Variants in NRXN3 observed in about 807,000 individuals in gnomAD.
NRXN3 encodes the protein neurexin III.
A neutral mutation model predicts 137.6 loss-of-function variants in NRXN3; 32 were observed. The observed-to-expected ratio is 0.23, with a 90% CI of 0.18 to 0.31. The LOEUF is 0.31. NRXN3 is among the 10% of genes least tolerant of loss of function. The pLI is 1.00. For synonymous variants in NRXN3, 798 were observed against 784.5 expected (o/e 1.02, Z -0.29); for missense variants, 1,574 against 2,062.5 (o/e 0.76, Z 4.59).
In NRXN3 at chr14:78,883,309, C is replaced by T. The variant is rs1306229945; in HGVS notation, c.2275+72965C>T. The stretch of plus-strand genomic sequence containing the variant: ...GCTCAACAGCCCAAATTCTTTTCAC[C>T]TTCTGTAAAGAAGAGTGACTGGAAG... On this transcript the variant is annotated intron_variant, in intron 10 of 20. Transcript: ENST00000335750. 2.6e-5 allele frequency among the ~76,000 whole-genome samples: 4 copies of T among 152,184 alleles called. No individual in the cohort carries two copies. The East Asian group carries it at 7.7e-4, about 29-fold the overall frequency.
intron 15 of NRXN3, among the ~76,000 whole-genome samples, chr14:79,461,495 G>A (rs1338731491): frequency 6.6e-6 from 1 of 152,110 alleles, no homozygotes; most frequent in Admixed American, 6.6e-5. Flanking sequence ...AGAGAGATGA[G>A]CGGCAGAGGA....
In NRXN3 at chr14:79,107,327, A is replaced by G. The variant is rs902272094; in HGVS notation, c.3262+119186A>G. Among the ~76,000 whole-genome samples, 62 of 152,110 alleles carry G rather than the reference A, an allele frequency of 4.1e-4. 1 individual carries two copies. The highest frequency in any genetic ancestry group is 5.0e-4 in the Non-Finnish European group (34 of 68,020). On this transcript the variant is annotated intron_variant, in intron 15 of 20. Coordinates refer to ENST00000335750, the MANE Select transcript of NRXN3 (RefSeq NM_001330195.2). Reference sequence around the variant, plus strand: ...AGACATGAAGGCTGAGAAGTGGCTGATCATGTGATGAGTATGTGAACTTTG... The same window carrying G: ...AGACATGAAGGCTGAGAAGTGGCTGGTCATGTGATGAGTATGTGAACTTTG...
chr14:78,265,934 G>C (rs1034517248), intron 2 of NRXN3, among the ~76,000 whole-genome samples: 1 of 152,182 alleles, frequency 6.6e-6, no homozygotes, highest in Non-Finnish European at 1.5e-5. Context: ...ACCTGTGTCT[G>C]TCTTGTTCAT....
chr14:78,550,505 T>G, intron 4 of NRXN3, among the ~76,000 whole-genome samples: 1 of 148,292 alleles, frequency 6.7e-6, no homozygotes, highest in African/African-American at 2.5e-5. Flanking sequence ...TTTATGATAA[T>G]TGTGTTTTAA....
At chr14:79,335,453 C>T (rs2092173754) in intron 15 of NRXN3, among the ~76,000 whole-genome samples, 2 of 151,688 alleles carry the variant, frequency 1.3e-5, no homozygotes, top group South Asian at 4.2e-4. Flanking sequence ...ATTTTTTCTC[C>T]CTATTATATT....
At chr14:78,219,680 A>G (rs1027455499) in intron 1 of NRXN3, among the ~76,000 whole-genome samples, 46 of 152,188 alleles carry the variant, frequency 3.0e-4, no homozygotes, top group African/African-American at 1.1e-3. Flanking sequence ...CAAAAATGTT[A>G]TTTGTTCCTA....
intron 4 of NRXN3, among the ~76,000 whole-genome samples, chr14:78,599,791 G>T (rs1217704131): frequency 6.6e-6 from 1 of 152,162 alleles, no homozygotes; most frequent in African/African-American, 2.4e-5. Flanking sequence ...TAAAGTATTT[G>T]CTGGGACAGG....
At chr14:78,321,011 G>T (rs958353235) in intron 4 of NRXN3, among the ~76,000 whole-genome samples, 1 of 150,814 alleles carries the variant, frequency 6.6e-6, no homozygotes, top group South Asian at 2.1e-4. Flanking sequence ...AGCTACTCAG[G>T]AGGCTGAGGC....
chr14:78,373,383 G>T (rs1021404719), intron 4 of NRXN3, among the ~76,000 whole-genome samples: 1 of 152,190 alleles, frequency 6.6e-6, no homozygotes, highest in East Asian at 1.9e-4. Context: ...CTTCTTTCTG[G>T]ATCCTCTTTT....
intron 15 of NRXN3, among the ~76,000 whole-genome samples, chr14:79,421,994 T>G (rs752470488): frequency 7.9e-5 from 12 of 151,498 alleles, no homozygotes; most frequent in Non-Finnish European, 1.6e-4. Context: ...TCTCACATCC[T>G]TCTCTTTTCT....
chr14:78,888,407 A>G (rs1328246499), intron 10 of NRXN3, among the ~76,000 whole-genome samples: 1 of 150,510 alleles, frequency 6.6e-6, no homozygotes, highest in African/African-American at 2.4e-5. Context: ...TATTTAAGAC[A>G]TAATACCTGT....
chr14:78,733,836 C>T (rs1012016897), intron 8 of NRXN3, among the ~76,000 whole-genome samples: 1 of 152,104 alleles, frequency 6.6e-6, no homozygotes, highest in African/African-American at 2.4e-5. Context: ...ATATGACATG[C>T]ACTATGATAA....
At chr14:79,070,358 C>A (rs192392380) in intron 15 of NRXN3, among the ~76,000 whole-genome samples, 3 of 152,316 alleles carry the variant, frequency 2.0e-5, no homozygotes, top group African/African-American at 7.2e-5. Context: ...TGTAAAAGCA[C>A]TCCCAATAAC....
chr14:78,872,147 T>A (rs776387874), intron 10 of NRXN3, among the ~76,000 whole-genome samples: 54 of 151,504 alleles, frequency 3.6e-4, no homozygotes, highest in Non-Finnish European at 6.8e-4. Flanking sequence ...ATTCAATACA[T>A]CAATGTTGAT....
chr14:79,269,806 AAAT>A (rs1175525269), intron 15 of NRXN3, among the ~76,000 whole-genome samples: 1 of 152,156 alleles, frequency 6.6e-6, no homozygotes, highest in African/African-American at 2.4e-5. Context: ...GGAGAAAAAA[AAAT>A]GTTTGGTATT....
chr14:78,241,829 C>T (rs1014627239), intron 1 of NRXN3, among the ~76,000 whole-genome samples: 4 of 151,782 alleles, frequency 2.6e-5, no homozygotes, highest in African/African-American at 9.7e-5. Context: ...AAATAATCCT[C>T]CTCTCTTAAT....
At chr14:78,503,847 T>C (rs2095928323) in intron 4 of NRXN3, among the ~76,000 whole-genome samples, 1 of 152,144 alleles carries the variant, frequency 6.6e-6, no homozygotes, top group Non-Finnish European at 1.5e-5. Context: ...AATCAGTGGT[T>C]CTCCCCTTTC....
chr14:78,309,220 A>G (rs2077680533), intron 4 of NRXN3, among the ~76,000 whole-genome samples: 1 of 152,170 alleles, frequency 6.6e-6, no homozygotes, highest in Non-Finnish European at 1.5e-5. Flanking sequence ...GTCATCTTGT[A>G]GAACCTCGTA....
chr14:79,380,610 G>C (rs1037007785), intron 15 of NRXN3, among the ~76,000 whole-genome samples: 1 of 152,030 alleles, frequency 6.6e-6, no homozygotes, highest in Admixed American at 6.6e-5. Flanking sequence ...TTGGACATTT[G>C]GGTTGGTTCC....
Sources: allele counts gnomAD v4.1 joint callset (sites outside exome capture counted in the v4.1 genomes callset), GRCh38; gene constraint gnomAD v4.1.1; transcripts MANE v1.5; gene names NCBI Gene and HGNC (gene_info 2026-07-23, HGNC 2026-07-21).